GRIA3: variants seen among roughly 807,000 people sequenced by gnomAD.
GRIA3 encodes the protein glutamate receptor 3.
In GRIA3, 3 loss-of-function variants were observed where a neutral mutation model predicts 63.0. The observed-to-expected ratio is 0.05, with a 90% CI of 0.02 to 0.12. GRIA3 has a LOEUF of 0.12. GRIA3 is among the 10% of genes least tolerant of loss of function. The probability of loss-of-function intolerance (pLI) is 1.00; values close to 1 mark genes in which losing one functional copy is unlikely to be tolerated. For missense variants in GRIA3, 347 were observed against 700.9 expected (o/e 0.50, Z 5.70); for synonymous variants, 274 against 257.9 (o/e 1.06, Z -0.60).
At chrX:123,367,772 T>C (rs1233500085) in intron 5 of GRIA3, among the ~76,000 whole-genome samples, 1 of 111,453 alleles carries the variant, frequency 9.0e-6, no homozygotes, top group East Asian at 2.8e-4. Context: ...TTGTTTTTTC[T>C]GAATAGTCGT....
rs1217671061 is a variant in GRIA3 at position 123,404,785 on chromosome X, C to T, written c.1371C>T (p.Asp457=). 8.4e-7 allele frequency: 1 copy of T among 1,197,181 alleles called. No homozygotes were observed. The highest frequency in any genetic ancestry group is 1.1e-6 in the Non-Finnish European group (1 of 883,607). ...GNERYEGYCV[D]LAYEIAKHVR... ...AACGATATGAAGGCTATTGTGTAGA[C>T]CTAGCCTATGAAATAGCCAAACATG... Residue 457 remains aspartate (D), a synonymous_variant, in exon 10 of 16, where the codon GAC becomes GAT. Coordinates refer to ENST00000620443, the MANE Select transcript of GRIA3 (RefSeq NM_007325.5).
At chrX:123,265,535 G>A (rs2044482897) in intron 3 of GRIA3, among the ~76,000 whole-genome samples, 1 of 111,934 alleles carries the variant, frequency 8.9e-6, no homozygotes, top group Non-Finnish European at 1.9e-5. Flanking sequence ...CATCCTCATT[G>A]TTTTCATATT....
At chrX:123,485,790 CCTCAGA>C (rs1431829478) in intron 15 of GRIA3, among the ~76,000 whole-genome samples, 1 of 111,340 alleles carries the variant, frequency 9.0e-6, no homozygotes, top group Non-Finnish European at 1.9e-5. Context: ...ATTACTATAG[CCTCAGA>C]CTCTTATTAA....
chrX:123,417,359 C>A lies in GRIA3; in HGVS notation c.1501-43C>A, dbSNP rs748253839. ...CGACAAATAACTGATTAAAGACTGT[C>A]TCTAAAAGTCATATATGTTTTCTTT... On this transcript the variant is annotated intron_variant, in intron 10 of 15. Coordinates refer to ENST00000620443, the MANE Select transcript of GRIA3 (RefSeq NM_007325.5). 3 of 1,097,778 alleles carry A rather than the reference C, an allele frequency of 2.7e-6. 1 individual carries two copies. Among genetic ancestry groups the A allele is most frequent in the South Asian group, 3.8e-5 (2 of 53,274 alleles). 90.5% of individuals were successfully genotyped at this position (1,097,778 alleles called of 1,213,427 possible). A position where few individuals can be genotyped will look rare whatever the true frequency, so the allele number is the denominator to read the frequency against.
intron 5 of GRIA3, among the ~76,000 whole-genome samples, chrX:123,380,735 A>C (rs2147369109): frequency 9.0e-6 from 1 of 111,573 alleles, no homozygotes; most frequent in South Asian, 3.7e-4. Flanking sequence ...CTATGTCCTG[A>C]ATTGTATTGC....
intron 4 of GRIA3, among the ~76,000 whole-genome samples, chrX:123,340,645 A>G (rs1374897875): frequency 1.8e-5 from 2 of 112,516 alleles, no homozygotes; most frequent in African/African-American, 6.5e-5. Flanking sequence ...AGTACTAAAT[A>G]AATATTTGTT....
At chrX:123,316,358 C>T (rs1041391240) in intron 3 of GRIA3, among the ~76,000 whole-genome samples, 1 of 112,011 alleles carries the variant, frequency 8.9e-6, no homozygotes, top group Non-Finnish European at 1.9e-5. Context: ...TCTTTATTCA[C>T]CTACCAAATG....
intron 12 of GRIA3, among the ~76,000 whole-genome samples, chrX:123,430,832 A>C (rs2045613766): frequency 9.1e-6 from 1 of 110,191 alleles, no homozygotes; most frequent in African/African-American, 3.3e-5. Context: ...AAAATACAAA[A>C]ATTAGCTGAG....
At chrX:123,255,802 C>T (rs968151627) in intron 3 of GRIA3, among the ~76,000 whole-genome samples, 3 of 110,026 alleles carry the variant, frequency 2.7e-5, no homozygotes, top group African/African-American at 9.9e-5. Context: ...GGGACTAATC[C>T]GCTCTGCTTA....
intron 12 of GRIA3, among the ~76,000 whole-genome samples, chrX:123,441,427 T>A (rs1426694415): frequency 9.0e-6 from 1 of 111,661 alleles, no homozygotes; most frequent in Non-Finnish European, 1.9e-5. Flanking sequence ...AAGGGTAAAC[T>A]GGGAATCATT....
intron 10 of GRIA3, among the ~76,000 whole-genome samples, chrX:123,411,267 T>C (rs889761252): frequency 1.8e-5 from 2 of 111,911 alleles, no homozygotes; most frequent in Non-Finnish European, 3.8e-5. Context: ...GGATAACATA[T>C]AGTACATTAT....
At chrX:123,365,053 C>T (rs2045201543) in intron 5 of GRIA3, among the ~76,000 whole-genome samples, 1 of 111,583 alleles carries the variant, frequency 9.0e-6, no homozygotes, top group African/African-American at 3.3e-5. Flanking sequence ...TATTGCACAG[C>T]AGGGTGCAAT....
At chrX:123,203,549 AG>A (rs1317800455) in intron 2 of GRIA3, among the ~76,000 whole-genome samples, 1 of 111,644 alleles carries the variant, frequency 9.0e-6, no homozygotes, top group African/African-American at 3.3e-5. Flanking sequence ...AGGAGCTCAG[AG>A]TCTTCAAGAT....
intron 3 of GRIA3, among the ~76,000 whole-genome samples, chrX:123,321,668 A>T (rs2044868446): frequency 8.9e-6 from 1 of 112,155 alleles, no homozygotes; most frequent in African/African-American, 3.2e-5. Context: ...TGATTTTGAC[A>T]ATTGTATATT....
chrX:123,267,396 T>C (rs998471570), intron 3 of GRIA3, among the ~76,000 whole-genome samples: 1 of 112,034 alleles, frequency 8.9e-6, no homozygotes, highest in Non-Finnish European at 1.9e-5. Flanking sequence ...CATGGGTTTC[T>C]GGCTAGAGGA....
At position 123,213,704 on chromosome X, in the gene GRIA3, A is replaced by G. The variant is rs1427754072; in HGVS notation, c.268+27714A>G. Among the ~76,000 whole-genome samples, 5 of 112,392 alleles carry G rather than the reference A, an allele frequency of 4.4e-5. No individual in the cohort carries two copies. The East Asian group carries it at 1.4e-3, about 31-fold the overall frequency. On this transcript the variant is annotated intron_variant, in intron 2 of 15. Transcript: ENST00000620443. Reference sequence around the variant, plus strand: ...TGTACACAGAGCTTTTATCCTATGGAACACAGGGTTACAGCATTCCGATCA... The same window carrying G: ...TGTACACAGAGCTTTTATCCTATGGGACACAGGGTTACAGCATTCCGATCA...
intron 3 of GRIA3, among the ~76,000 whole-genome samples, chrX:123,268,466 T>C (rs1028840344): frequency 8.3e-5 from 9 of 108,666 alleles, no homozygotes; most frequent in African/African-American, 3.0e-4. Flanking sequence ...TTTGATAATA[T>C]AAATAATAAT....
intron 3 of GRIA3, among the ~76,000 whole-genome samples, chrX:123,261,805 G>A (rs764233879): frequency 6.4e-4 from 71 of 111,385 alleles, no homozygotes; most frequent in African/African-American, 2.1e-3. Context: ...GTCATCATAC[G>A]AGCTAAAGAA....
At chrX:123,415,275 G>A (rs905673751) in intron 10 of GRIA3, among the ~76,000 whole-genome samples, 72 of 111,882 alleles carry the variant, frequency 6.4e-4, no homozygotes, top group African/African-American at 2.0e-3. Context: ...AAGAGCCACC[G>A]GAATAGATTA....
Sources: gnomAD v4.1 joint callset for allele counts (sites outside exome capture counted in the v4.1 genomes callset) on GRCh38, gnomAD v4.1.1 for gene constraint, MANE v1.5 for transcripts, NCBI Gene and HGNC (gene_info 2026-07-23, HGNC 2026-07-21) for gene names.